Variants in PPP2R5C observed in about 807,000 individuals in gnomAD.
The protein encoded by PPP2R5C is protein phosphatase 2 regulatory subunit B'gamma, also known as serine/threonine-protein phosphatase 2A 56 kDa regulatory subunit gamma isoform.
In PPP2R5C, 7 loss-of-function variants were observed where a neutral mutation model predicts 68.9. That is an observed-to-expected ratio of 0.10 (90% CI 0.06 to 0.19). The LOEUF is 0.19. PPP2R5C is among the 10% of genes least tolerant of loss of function. The probability of loss-of-function intolerance (pLI) is 1.00; values close to 1 mark genes in which losing one functional copy is unlikely to be tolerated. For missense variants in PPP2R5C, 348 were observed against 641.3 expected (o/e 0.54, Z 4.94); for synonymous variants, 210 against 222.2 (o/e 0.95, Z 0.49).
chr14:101,857,917 A>T (rs1035741674), intron 2 of PPP2R5C, among the ~76,000 whole-genome samples: 1 of 151,990 alleles, frequency 6.6e-6, no homozygotes, highest in Non-Finnish European at 1.5e-5. Context: ...TTCCTTCTTT[A>T]GTATGTTTGC....
intron 1 of PPP2R5C, among the ~76,000 whole-genome samples, chr14:101,812,316 G>A (rs2039410736): frequency 6.6e-6 from 1 of 152,148 alleles, no homozygotes; most frequent in South Asian, 2.1e-4. Context: ...AGAACACACC[G>A]GCAGGGTGCC....
At chr14:101,824,582 TTC>T (rs2040282994) in intron 1 of PPP2R5C, 1 of 155,058 alleles carries the variant, frequency 6.4e-6, no homozygotes, top group South Asian at 1.8e-4. Flanking sequence ...CGAAAAAAAT[TTC>T]TGAGTTCATT....
At chr14:101,869,904 A>G (rs2043285647) in intron 2 of PPP2R5C, among the ~76,000 whole-genome samples, 1 of 152,150 alleles carries the variant, frequency 6.6e-6, no homozygotes. Context: ...CCCCTGCCTC[A>G]GCCTATGAAG....
At chr14:101,850,577 T>C (rs1258638495) in intron 1 of PPP2R5C, among the ~76,000 whole-genome samples, 1 of 152,082 alleles carries the variant, frequency 6.6e-6, no homozygotes, top group African/African-American at 2.4e-5. Flanking sequence ...ATGGGAAATA[T>C]AAAGGGCCAT....
intron 8 of PPP2R5C, among the ~76,000 whole-genome samples, chr14:101,900,828 G>A (rs1187257997): frequency 6.6e-6 from 1 of 152,248 alleles, no homozygotes; most frequent in Non-Finnish European, 1.5e-5. Flanking sequence ...CTGGCAGAGA[G>A]CTGGTGGCAC....
chr14:101,909,999 G>A (rs1409746094), intron 11 of PPP2R5C, among the ~76,000 whole-genome samples: 27 of 152,162 alleles, frequency 1.8e-4, no homozygotes, highest in Admixed American at 1.8e-3. Context: ...AGGCTATAAT[G>A]TGTAGTCCAT....
At chr14:101,821,452 GGT>G (rs71116851) in intron 1 of PPP2R5C, among the ~76,000 whole-genome samples, 205 of 121,432 alleles carry the variant, frequency 1.7e-3, no homozygotes, top group East Asian at 7.0e-3. Context: ...TGGGTGGGTG[GGT>G]GTGTGTGTGT....
Position 101,884,496 on chromosome 14 carries a change from T to C in PPP2R5C, c.629+934T>C, listed in dbSNP as rs552177705. Among the ~76,000 whole-genome samples, 4 of 152,344 alleles carry C rather than the reference T, an allele frequency of 2.6e-5. No homozygotes were observed. In the South Asian group the frequency reaches 8.3e-4, roughly 32 times the overall value. On this transcript the variant is annotated intron_variant, in intron 5 of 13. Transcript: ENST00000334743. ...CAGTGAGAGGAGGCGGGGCAAGAAG[T>C]GATGTCATTCATCTGTAGAAAGCCT...
chr14:101,841,657 C>T (rs537078901), intron 1 of PPP2R5C, among the ~76,000 whole-genome samples: 10 of 152,308 alleles, frequency 6.6e-5, no homozygotes, highest in South Asian at 4.1e-4. Flanking sequence ...CTTTTTGAAA[C>T]GAAACCTTCC....
chr14:101,821,955 T>C (rs942054385), intron 1 of PPP2R5C, among the ~76,000 whole-genome samples: 1 of 152,152 alleles, frequency 6.6e-6, no homozygotes, highest in Non-Finnish European at 1.5e-5. Flanking sequence ...TCTCAATTAT[T>C]GGACCTGGTC....
At chr14:101,800,238 C>G (rs2038799315) in intron 3 of PPP2R5C, among the ~76,000 whole-genome samples, 1 of 152,096 alleles carries the variant, frequency 6.6e-6, no homozygotes, top group Admixed American at 6.5e-5. Flanking sequence ...GAGTGAGACC[C>G]TGTCTCAAAA....
exon 3 of PPP2R5C, chr14:101,786,148 A>G (rs768757514): frequency 1.8e-5 from 28 of 1,580,398 alleles, no homozygotes; most frequent in Non-Finnish European, 2.2e-5. Flanking sequence ...AGCGCAAGCA[A>G]TAATAGAGAA....
At chr14:101,911,458 T>C (rs1249984988) in intron 11 of PPP2R5C, among the ~76,000 whole-genome samples, 1 of 152,152 alleles carries the variant, frequency 6.6e-6, no homozygotes, top group Non-Finnish European at 1.5e-5. Context: ...TCATCTCAGC[T>C]CTCAGTGCAG....
At chr14:101,842,680 TGG>T in intron 1 of PPP2R5C, among the ~76,000 whole-genome samples, 1 of 151,784 alleles carries the variant, frequency 6.6e-6, no homozygotes, top group East Asian at 1.9e-4. Flanking sequence ...AGCGTGGCCG[TGG>T]TGCCTGCTCA....
intron 13 of PPP2R5C, chr14:101,921,905 A>C: frequency 2.3e-6 from 2 of 870,696 alleles, no homozygotes; most frequent in Non-Finnish European, 2.8e-6. Flanking sequence ...CAGAACATTC[A>C]AAGAAAACTA....
At chr14:101,883,198 T>TGA in intron 3 of PPP2R5C, 59 bp from the exon 6 acceptor site, 1 of 1,229,748 alleles carries the variant, frequency 8.1e-7, no homozygotes, top group Non-Finnish European at 1.1e-6. Flanking sequence ...TCTGGTATAT[T>TGA]TTAACCGCCA....
exon 1 of PPP2R5C, chr14:101,761,910 A>G (rs1595092612): frequency 8.5e-7 from 1 of 1,182,804 alleles, no homozygotes; most frequent in East Asian, 3.8e-5. Flanking sequence ...AATAAAAACA[A>G]GAAGGAGAAA....
At chr14:101,826,659 A>G (rs1264238117) in intron 1 of PPP2R5C, among the ~76,000 whole-genome samples, 1 of 152,064 alleles carries the variant, frequency 6.6e-6, no homozygotes, top group East Asian at 1.9e-4. Context: ...TGATGTAATG[A>G]TATGTGTGTT....
At position 101,888,509 on chromosome 14, in the gene PPP2R5C, C is replaced by A. The variant is rs967864333; in HGVS notation, c.630-1728C>A. Among the ~76,000 whole-genome samples the A allele has an allele frequency of 1.3e-5, 2 of 152,158 alleles. No homozygotes were observed. The highest frequency in any genetic ancestry group is 2.9e-5 in the Non-Finnish European group (2 of 68,028). ...GGCTTTGGCCACCTGCATTGTTGTG[C>A]TACTGGGTCTCCCTGCTAAAGGTTC... On this transcript the variant is annotated intron_variant, in intron 5 of 13. Coordinates refer to ENST00000334743, the Ensembl canonical transcript of PPP2R5C. This position sits in a 1 kb window ranked among gnomAD's most constrained non-coding sequence, Gnocchi z 5.6.
Sources: allele counts gnomAD v4.1 joint callset (sites outside exome capture counted in the v4.1 genomes callset), GRCh38; gene constraint gnomAD v4.1.1; non-coding constraint Gnocchi (gnomAD v3.1); transcripts MANE v1.5; gene names NCBI Gene and HGNC (gene_info 2026-07-23, HGNC 2026-07-21).